Variants in C12orf42 observed in about 807,000 individuals in gnomAD.
C12orf42 encodes uncharacterized protein C12orf42.
In C12orf42, 25 loss-of-function variants were observed where a neutral mutation model predicts 21.6. That is an observed-to-expected ratio of 1.16 (90% CI 0.84 to 1.62). C12orf42 has a LOEUF of 1.62. Among genes scored for constraint, C12orf42 ranks in the 40% most tolerant of loss-of-function variants. The pLI is 0.00. For synonymous variants in C12orf42, 174 were observed against 175.0 expected (o/e 0.99, Z 0.05); for missense variants, 483 against 459.3 (o/e 1.05, Z -0.47).
At chr12:103,339,477 G>T (rs1368778267) in intron 4 of C12orf42, among the ~76,000 whole-genome samples, 1 of 152,082 alleles carries the variant, frequency 6.6e-6, no homozygotes, top group Non-Finnish European at 1.5e-5. Flanking sequence ...TTCTGTGTTA[G>T]TTTGCTAAAG....
intron 2 of C12orf42, among the ~76,000 whole-genome samples, chr12:103,415,339 C>T (rs1187757092): frequency 6.6e-6 from 1 of 152,114 alleles, no homozygotes; most frequent in African/African-American, 2.4e-5. Context: ...GAGACTTCAA[C>T]ACCCCACTGA....
At chr12:103,137,191 T>C in the C12orf42 span, among the ~76,000 whole-genome samples, 1 of 151,928 alleles carries the variant, frequency 6.6e-6, no homozygotes, top group Non-Finnish European at 1.5e-5. Context: ...ACATAAATAA[T>C]ACCATTTAAA....
intron 4 of C12orf42, among the ~76,000 whole-genome samples, chr12:103,306,734 A>T (rs1381114587): frequency 6.6e-6 from 1 of 152,178 alleles, no homozygotes; most frequent in African/African-American, 2.4e-5. Flanking sequence ...CAAAAAAGAT[A>T]TATTAAAGTC....
intron 2 of C12orf42, among the ~76,000 whole-genome samples, chr12:103,473,422 T>C (rs1329785769): frequency 6.6e-6 from 1 of 152,190 alleles, no homozygotes; most frequent in East Asian, 1.9e-4. Context: ...CCCCAGGCCA[T>C]GCTAAAAGCT....
the C12orf42 span, among the ~76,000 whole-genome samples, chr12:103,158,359 C>T: frequency 2.0e-5 from 3 of 152,126 alleles, no homozygotes; most frequent in Non-Finnish European, 4.4e-5. Flanking sequence ...CTGAAATATA[C>T]CACGAAGATA....
the C12orf42 span, among the ~76,000 whole-genome samples, chr12:103,063,175 A>C: frequency 6.6e-6 from 1 of 152,196 alleles, no homozygotes; most frequent in Non-Finnish European, 1.5e-5. Flanking sequence ...AAAGTGACGA[A>C]AGAAAATGAT....
intron 2 of C12orf42, among the ~76,000 whole-genome samples, chr12:103,440,174 T>C (rs201967301): frequency 7.1e-6 from 1 of 141,786 alleles, no homozygotes; most frequent in Non-Finnish European, 1.5e-5. Context: ...AACCAAACAC[T>C]GCATATTCTC....
downstream of C12orf42, among the ~76,000 whole-genome samples, chr12:103,298,495 A>G (rs1019825104): frequency 2.0e-5 from 3 of 152,232 alleles, no homozygotes; most frequent in African/African-American, 7.2e-5. Context: ...GCTCATGGAT[A>G]GGAAGAATCA....
At chr12:103,543,312 C>T in the C12orf42 span, among the ~76,000 whole-genome samples, 2 of 152,104 alleles carry the variant, frequency 1.3e-5, no homozygotes, top group East Asian at 1.9e-4. Flanking sequence ...TTATACAGTG[C>T]AAAATTCTTA....
the C12orf42 span, among the ~76,000 whole-genome samples, chr12:103,216,820 G>A: frequency 6.6e-6 from 1 of 151,966 alleles, no homozygotes; most frequent in East Asian, 1.9e-4. Context: ...GTCCTCCATT[G>A]TAAGCCAAGA....
At chr12:103,089,860 C>A in the C12orf42 span, among the ~76,000 whole-genome samples, 1 of 151,958 alleles carries the variant, frequency 6.6e-6, no homozygotes, top group African/African-American at 2.4e-5. Context: ...CAAAACAGGG[C>A]CTGAAGGTGA....
chr12:103,535,102 G>T, the C12orf42 span, among the ~76,000 whole-genome samples: 1 of 152,170 alleles, frequency 6.6e-6, no homozygotes, highest in South Asian at 2.1e-4. Flanking sequence ...CAAGAGCCTT[G>T]TGTCCTCTGC....
chr12:103,315,598 A>G lies in C12orf42; in HGVS notation c.260-9253T>C, dbSNP rs1477543831. Among the ~76,000 whole-genome samples, 5 of 152,324 alleles carry G rather than the reference A, an allele frequency of 3.3e-5. No homozygotes were observed. The East Asian group carries it at 7.7e-4, about 23-fold the overall frequency. On this transcript the variant is annotated intron_variant, in intron 4 of 5. Transcript: ENST00000548883. ...AAGGTGCAGCATATACATAATTGTAATACATGAAGGAGAAACAGAGGGAGA... is the reference window on the plus strand; with the variant it reads ...AAGGTGCAGCATATACATAATTGTAGTACATGAAGGAGAAACAGAGGGAGA...
At chr12:103,408,009 A>C (rs2048550162) in intron 2 of C12orf42, among the ~76,000 whole-genome samples, 1 of 152,164 alleles carries the variant, frequency 6.6e-6, no homozygotes, top group Non-Finnish European at 1.5e-5. Context: ...TCATAGTAAC[A>C]ATGGCACCCC....
At chr12:103,068,799 G>T in the C12orf42 span, among the ~76,000 whole-genome samples, 1 of 150,258 alleles carries the variant, frequency 6.7e-6, no homozygotes, top group Non-Finnish European at 1.5e-5. Context: ...TGGCTTCCTT[G>T]CTCCTCAGCT....
At chr12:103,414,050 G>A (rs1474906535) in intron 2 of C12orf42, among the ~76,000 whole-genome samples, 9 of 152,160 alleles carry the variant, frequency 5.9e-5, no homozygotes, top group Admixed American at 5.9e-4. Context: ...TCTACTTTTA[G>A]TTCTTTAAGG....
the C12orf42 span, among the ~76,000 whole-genome samples, chr12:103,216,372 T>G: frequency 0.017 from 2,521 of 151,716 alleles, 24 homozygotes; most frequent in Non-Finnish European, 0.026. Context: ...AATACTTTTT[T>G]TTCTTTTTTT....
intron 5 of C12orf42, chr12:103,277,036 C>T (rs1355151081): frequency 2.4e-6 from 1 of 421,212 alleles, no homozygotes; most frequent in Admixed American, 2.8e-5. Flanking sequence ...ACAATAAAAA[C>T]ACAGGAAATT....
downstream of C12orf42, among the ~76,000 whole-genome samples, chr12:103,235,522 T>G (rs1311497779): frequency 6.6e-6 from 1 of 152,188 alleles, no homozygotes; most frequent in Middle Eastern, 3.2e-3. Context: ...GGTATACTAA[T>G]TTTTGGAAAC....
Sources: allele counts gnomAD v4.1 joint callset (sites outside exome capture counted in the v4.1 genomes callset), GRCh38; gene constraint gnomAD v4.1.1; transcripts MANE v1.5; gene names NCBI Gene and HGNC (gene_info 2026-07-23, HGNC 2026-07-21).